The following DENND5A variants were observed in gnomAD, a reference collection of about 807,000 sequenced individuals.
DENND5A encodes the protein DENN domain-containing protein 5A.
In DENND5A, 64 loss-of-function variants were observed where a neutral mutation model predicts 140.3. The ratio of observed to expected loss-of-function variants is 0.46; its 90% confidence interval spans 0.37 to 0.56. The LOEUF is 0.56. Ranked by LOEUF, DENND5A falls within the 20% of genes least tolerant of loss-of-function variation. DENND5A has a pLI of 0.00. For synonymous variants in DENND5A, 605 were observed against 607.7 expected (o/e 1.00, Z 0.07); for missense variants, 1,292 against 1,593.8 (o/e 0.81, Z 3.22).
At chr11:9,162,637 C>T (rs148209362) in intron 11 of DENND5A, among the ~76,000 whole-genome samples, 5 of 152,056 alleles carry the variant, frequency 3.3e-5, no homozygotes, top group Admixed American at 2.6e-4. Context: ...ACTTACCCAA[C>T]GAAACTACAG....
rs201847476 is a variant in DENND5A, at chr11:9,204,204, G to C, written c.405C>G (p.Leu135=). The change falls in exon 4 of 23, where the codon CTC becomes CTG. Residue 135 remains leucine (L), a synonymous_variant. Transcript: ENST00000328194. The part of the protein sequence containing the change: ...EDGSRTFGFA[L]TFYEEVTSKQ... Reference sequence around the variant, plus strand: ...TGCTAGTCACCTCTTCATAAAATGTGAGGGCAAACCCAAATGTCCGAGAGC... The same window carrying C: ...TGCTAGTCACCTCTTCATAAAATGTCAGGGCAAACCCAAATGTCCGAGAGC... 6.2e-7 allele frequency: 1 copy of C among 1,614,132 alleles called. No homozygotes were observed. Among genetic ancestry groups the C allele is most frequent in the Non-Finnish European group, 8.5e-7 (1 of 1,180,032 alleles).
intron 3 of DENND5A, among the ~76,000 whole-genome samples, chr11:9,204,825 C>CA (rs1264467818): frequency 6.6e-5 from 10 of 152,198 alleles, no homozygotes; most frequent in African/African-American, 2.4e-4. Flanking sequence ...TCATGCACTG[C>CA]ACTCCAGCCT....
At chr11:9,161,784 C>T (rs1847992375) in intron 11 of DENND5A, among the ~76,000 whole-genome samples, 1 of 151,928 alleles carries the variant, frequency 6.6e-6, no homozygotes, top group African/African-American at 2.4e-5. Flanking sequence ...CCCAATTTAC[C>T]AATACGGAAA....
At chr11:9,234,650 C>T (rs2136259441) in intron 1 of DENND5A, among the ~76,000 whole-genome samples, 1 of 152,312 alleles carries the variant, frequency 6.6e-6, no homozygotes, top group East Asian at 1.9e-4. Context: ...GGGCAAGGAA[C>T]ACCTGGCCCA....
At chr11:9,259,480 G>A (rs1408827342) in intron 1 of DENND5A, among the ~76,000 whole-genome samples, 2 of 151,044 alleles carry the variant, frequency 1.3e-5, no homozygotes, top group Admixed American at 6.6e-5. Context: ...GCAGGAGAAT[G>A]GCGTGAACCC....
At chr11:9,153,841 T>A (rs1401403505) in intron 12 of DENND5A, among the ~76,000 whole-genome samples, 1 of 152,208 alleles carries the variant, frequency 6.6e-6, no homozygotes, top group Non-Finnish European at 1.5e-5. Flanking sequence ...CAATTTGTCA[T>A]TTTGCCAAGG....
At chr11:9,170,823 T>C (rs1564894393) in intron 8 of DENND5A, 46 bp from the exon 9 acceptor site, 19 of 1,583,156 alleles carry the variant, frequency 1.2e-5, no homozygotes, top group South Asian at 5.6e-5. Context: ...CACACATAAA[T>C]ACACACACAA....
At chr11:9,257,946 C>A (rs979958749) in intron 1 of DENND5A, among the ~76,000 whole-genome samples, 1 of 151,654 alleles carries the variant, frequency 6.6e-6, no homozygotes, top group Admixed American at 6.6e-5. Flanking sequence ...GTGTGTGCCA[C>A]CAGGCCCGGC....
intron 5 of DENND5A, among the ~76,000 whole-genome samples, chr11:9,186,001 C>T (rs1564903394): frequency 1.3e-5 from 2 of 152,100 alleles, no homozygotes; most frequent in Admixed American, 6.6e-5. Context: ...GAAGGGTAGG[C>T]GTAAGTCCAG....
chr11:9,248,229 T>C (rs1315185773), intron 1 of DENND5A, among the ~76,000 whole-genome samples: 9 of 152,124 alleles, frequency 5.9e-5, no homozygotes, highest in Admixed American at 5.9e-4. Context: ...GTGATCCACC[T>C]TCCTCAGTCT....
chr11:9,157,375 T>A (rs1847842357), intron 12 of DENND5A, among the ~76,000 whole-genome samples: 1 of 152,218 alleles, frequency 6.6e-6, no homozygotes, highest in African/African-American at 2.4e-5. Context: ...TGCAAGTTTG[T>A]TATATAGGTA....
chr11:9,244,602 C>T (rs1851385012), intron 1 of DENND5A, among the ~76,000 whole-genome samples: 1 of 152,156 alleles, frequency 6.6e-6, no homozygotes. Context: ...CTCCTGACCT[C>T]GGGTGATCCG....
chr11:9,169,156 T>C (rs1485753423), intron 10 of DENND5A, among the ~76,000 whole-genome samples: 4 of 152,178 alleles, frequency 2.6e-5, no homozygotes, highest in Admixed American at 2.0e-4. Context: ...CAAAATTAAC[T>C]TCTTTCTGGG....
chr11:9,212,063 G>A (rs886662701), intron 1 of DENND5A, among the ~76,000 whole-genome samples: 1 of 151,812 alleles, frequency 6.6e-6, no homozygotes, highest in Non-Finnish European at 1.5e-5. Flanking sequence ...TATCCAATCA[G>A]AAATACAGAC....
At chr11:9,181,193 T>A in intron 5 of DENND5A, 109 bp from the exon 6 acceptor site, 1 of 883,870 alleles carries the variant, frequency 1.1e-6, no homozygotes, top group Non-Finnish European at 1.7e-6. Flanking sequence ...CTGAAATGGC[T>A]ATATTTGAGA....
At chr11:9,198,290 GTTCT>G (rs1026903295) in intron 4 of DENND5A, among the ~76,000 whole-genome samples, 2 of 151,216 alleles carry the variant, frequency 1.3e-5, no homozygotes, top group Admixed American at 1.3e-4. Context: ...CTTTTGCAAG[GTTCT>G]TTATCACTCC....
intron 4 of DENND5A, among the ~76,000 whole-genome samples, chr11:9,198,776 G>C (rs562600015): frequency 1.3e-5 from 2 of 151,640 alleles, no homozygotes; most frequent in African/African-American, 4.8e-5. Flanking sequence ...TATGTTTTAA[G>C]TTAAATTATT....
At chr11:9,245,066 C>T (rs535302483) in intron 1 of DENND5A, among the ~76,000 whole-genome samples, 14 of 151,654 alleles carry the variant, frequency 9.2e-5, no homozygotes, top group Non-Finnish European at 1.3e-4. Flanking sequence ...GGGTGAATCA[C>T]GAGGTCAGGA....
At chr11:9,193,798 T>C (rs995633148) in intron 4 of DENND5A, 117 bp from the exon 5 acceptor site, 7 of 912,312 alleles carry the variant, frequency 7.7e-6, no homozygotes, top group Non-Finnish European at 1.1e-5. Flanking sequence ...ACGATCACGA[T>C]AAACTTCAGC....
Sources: allele counts gnomAD v4.1 joint callset (sites outside exome capture counted in the v4.1 genomes callset), GRCh38; gene constraint gnomAD v4.1.1; transcripts MANE v1.5; gene names NCBI Gene and HGNC (gene_info 2026-07-23, HGNC 2026-07-21).